INPP4B: variants seen among roughly 807,000 people sequenced by gnomAD.
The protein encoded by INPP4B is inositol polyphosphate-4-phosphatase type II B.
A neutral mutation model predicts 122.5 loss-of-function variants in INPP4B; 55 were observed. That is an observed-to-expected ratio of 0.45 (90% CI 0.36 to 0.56). INPP4B has a LOEUF of 0.56. INPP4B is among the 20% of genes least tolerant of loss of function. INPP4B has a pLI of 0.00. For synonymous variants in INPP4B, 403 were observed against 388.7 expected (o/e 1.04, Z -0.43); for missense variants, 1,000 against 1,097.7 (o/e 0.91, Z 1.26).
chr4:142,336,809 T>A (rs1335316316), intron 7 of INPP4B, among the ~76,000 whole-genome samples: 1 of 152,176 alleles, frequency 6.6e-6, no homozygotes, highest in Non-Finnish European at 1.5e-5. Context: ...GCCACAGAGA[T>A]TTCTGGTTGG....
chr4:142,233,575 G>A (rs1298609192), intron 12 of INPP4B, among the ~76,000 whole-genome samples: 1 of 152,024 alleles, frequency 6.6e-6, no homozygotes, highest in African/African-American at 2.4e-5. Context: ...ATTAAACAAG[G>A]TAAGAGTCTA....
At chr4:142,107,972 C>G (rs1204012004) in intron 23 of INPP4B, 121 bp downstream of exon 23, 7 of 588,690 alleles carry the variant, frequency 1.2e-5, no homozygotes, top group Non-Finnish European at 2.1e-5. Flanking sequence ...CAGATAATTT[C>G]AAAATCACTC....
At chr4:142,059,924 G>A (rs1221027276) in intron 25 of INPP4B, among the ~76,000 whole-genome samples, 1 of 152,096 alleles carries the variant, frequency 6.6e-6, no homozygotes, top group Non-Finnish European at 1.5e-5. Flanking sequence ...TGACAGCATC[G>A]TGCTACTTAG....
At chr4:142,600,928 A>C (rs1739751281) in intron 2 of INPP4B, among the ~76,000 whole-genome samples, 1 of 152,168 alleles carries the variant, frequency 6.6e-6, no homozygotes, top group Non-Finnish European at 1.5e-5. Context: ...AAGGACTAAC[A>C]GCAGGAAAAA....
At chr4:142,645,554 A>G (rs1167567876) in intron 2 of INPP4B, among the ~76,000 whole-genome samples, 3 of 152,178 alleles carry the variant, frequency 2.0e-5, no homozygotes, top group Non-Finnish European at 4.4e-5. Context: ...TGTGCTATCC[A>G]CATCCTCTTC....
chr4:142,420,535 T>C (rs1806658407), intron 5 of INPP4B, among the ~76,000 whole-genome samples: 1 of 152,112 alleles, frequency 6.6e-6, no homozygotes, highest in African/African-American at 2.4e-5. Flanking sequence ...AATTGGTTCA[T>C]TTTCTCTTCC....
chr4:142,066,827 G>T (rs920151922), intron 25 of INPP4B, among the ~76,000 whole-genome samples: 13 of 152,216 alleles, frequency 8.5e-5, no homozygotes, highest in African/African-American at 3.1e-4. Flanking sequence ...CAGCCAGGAA[G>T]CTCGAACTGG....
chr4:142,467,201 G>A (rs752641090), intron 2 of INPP4B, among the ~76,000 whole-genome samples: 22 of 152,326 alleles, frequency 1.4e-4, no homozygotes, highest in Non-Finnish European at 2.6e-4. Context: ...ACCTGAGAAT[G>A]GCAGAGCCAC....
rs528228421 is a variant in INPP4B, at chr4:142,330,219, A to G, written c.373-15457T>C. Among the ~76,000 whole-genome samples the G allele has an allele frequency of 5.3e-5, 8 of 152,354 alleles. No homozygotes were observed. In the South Asian group the frequency reaches 1.5e-3, roughly 28 times the overall value. Reference sequence around the variant, plus strand: ...AATAATGATGCATGTGTGGAAGAATACAAAATAGAAGAGCCCCTTTAATTT... The same window carrying G: ...AATAATGATGCATGTGTGGAAGAATGCAAAATAGAAGAGCCCCTTTAATTT... On this transcript the variant is annotated intron_variant, in intron 7 of 25. Coordinates refer to ENST00000262992, the MANE Select transcript of INPP4B (RefSeq NM_001101669.3).
intron 2 of INPP4B, among the ~76,000 whole-genome samples, chr4:142,634,977 T>A (rs752668158): frequency 2.8e-4 from 43 of 152,130 alleles, no homozygotes; most frequent in Admixed American, 5.9e-4. Context: ...GAAGGTCTAA[T>A]ATCCAGCATC....
intron 1 of INPP4B, among the ~76,000 whole-genome samples, chr4:142,730,157 T>A (rs1411004203): frequency 6.6e-6 from 1 of 152,148 alleles, no homozygotes; most frequent in Non-Finnish European, 1.5e-5. Context: ...CCTTTTGGAT[T>A]GGAAACGTAG....
intron 2 of INPP4B, among the ~76,000 whole-genome samples, chr4:142,532,695 A>G (rs1444064015): frequency 1.3e-5 from 2 of 152,200 alleles, no homozygotes; most frequent in East Asian, 1.9e-4. Context: ...CAGAATAAGT[A>G]AAACATCTAT....
At chr4:142,153,303 T>A (rs1180548695) in intron 17 of INPP4B, among the ~76,000 whole-genome samples, 1 of 152,200 alleles carries the variant, frequency 6.6e-6, no homozygotes, top group Non-Finnish European at 1.5e-5. Context: ...CCTTGATAAA[T>A]CAAGCCAACA....
chr4:142,367,398 G>A (rs557888422), intron 7 of INPP4B, among the ~76,000 whole-genome samples: 1 of 152,142 alleles, frequency 6.6e-6, no homozygotes, highest in South Asian at 2.1e-4. Flanking sequence ...ATTGTTAGAT[G>A]ATGTACAGTA....
rs59398444 is a variant in INPP4B at position 142,781,711 on chromosome 4, C to A, written c.-253-55810G>T. Among the ~76,000 whole-genome samples the A allele has an allele frequency of 1.2e-3, 180 of 152,182 alleles. 3 individuals carry two copies. The East Asian group carries it at 0.03, about 25-fold the overall frequency. On this transcript the variant is annotated intron_variant, in intron 1 of 25. Transcript: ENST00000262992. ...TTTACACACCCAGTGGAAAATAAAT[C>A]TTTATAAATTAGGATTTACATCTTC... is the stretch of plus-strand genomic sequence containing the variant.
intron 2 of INPP4B, among the ~76,000 whole-genome samples, chr4:142,524,405 C>A (rs1263692943): frequency 6.6e-6 from 1 of 151,848 alleles, no homozygotes; most frequent in East Asian, 1.9e-4. Context: ...CTCTGATGGC[C>A]AGTGATGATG....
intron 7 of INPP4B, among the ~76,000 whole-genome samples, chr4:142,354,922 C>A (rs1168209687): frequency 6.6e-6 from 1 of 151,874 alleles, no homozygotes; most frequent in Non-Finnish European, 1.5e-5. Flanking sequence ...GTTGACTAGG[C>A]AATTATGTTT....
intron 2 of INPP4B, among the ~76,000 whole-genome samples, chr4:142,486,566 T>C (rs1299613720): frequency 6.6e-6 from 1 of 152,154 alleles, no homozygotes; most frequent in African/African-American, 2.4e-5. Context: ...TGGCTTGCCA[T>C]TTAATTTTCT....
chr4:142,548,972 C>T (rs1458409169), intron 2 of INPP4B, among the ~76,000 whole-genome samples: 4 of 152,006 alleles, frequency 2.6e-5, no homozygotes, highest in African/African-American at 4.8e-5. Context: ...AATGGGTACG[C>T]TCTATTGCCT....
Sources: allele counts gnomAD v4.1 joint callset (sites outside exome capture counted in the v4.1 genomes callset), GRCh38; gene constraint gnomAD v4.1.1; transcripts MANE v1.5; gene names NCBI Gene and HGNC (gene_info 2026-07-23, HGNC 2026-07-21).